PTGFR: variants seen among roughly 807,000 people sequenced by gnomAD.
PTGFR encodes prostaglandin F2-alpha receptor.
PTGFR carries 15 observed loss-of-function variants against 26.2 expected under a neutral mutation model. The ratio of observed to expected loss-of-function variants is 0.57; its 90% CI spans 0.38 to 0.88. PTGFR has a LOEUF of 0.88. PTGFR is among the 40% of genes least tolerant of loss of function. The probability of loss-of-function intolerance (pLI) is 0.00; values close to 1 mark genes in which losing one functional copy is unlikely to be tolerated. For missense variants in PTGFR, 369 were observed against 427.2 expected, an observed-to-expected ratio of 0.86 and a Z score of 1.20; for synonymous variants, 165 against 151.1, an observed-to-expected ratio of 1.09 and a Z score of -0.68.
rs573221481 is a variant in PTGFR, at chr1:78,526,588, C to CT, written c.799-9811dup. 2.7e-4 allele frequency among the ~76,000 whole-genome samples: 41 copies of CT among 152,108 alleles called. No individual in the cohort carries two copies. In the South Asian group the frequency reaches 6.8e-3, roughly 25 times the overall value. ...TTGGAATGAAGCCAAGACAAATAAC[C>CT]TTTTTTTGTGCTCTTTATAATATAG... On this transcript the variant is annotated intron_variant, in intron 2 of 2. Transcript: ENST00000370757.
intron 2 of PTGFR, among the ~76,000 whole-genome samples, chr1:78,503,780 T>C (rs1649764473): frequency 6.6e-6 from 1 of 152,218 alleles, no homozygotes; most frequent in Non-Finnish European, 1.5e-5. Flanking sequence ...GGCTTAGTAA[T>C]ACTGAAGGAA....
Sources: gnomAD v4.1 joint callset for allele counts (sites outside exome capture counted in the v4.1 genomes callset) on GRCh38, gnomAD v4.1.1 for gene constraint, MANE v1.5 for transcripts, NCBI Gene and HGNC (gene_info 2026-07-23, HGNC 2026-07-21) for gene names.